Variants in SH3RF1 observed in about 807,000 individuals in gnomAD.
SH3RF1 encodes the protein SH3 domain containing ring finger 1, also known as E3 ubiquitin-protein ligase SH3RF1.
SH3RF1 carries 32 observed loss-of-function variants against 74.0 expected under a neutral mutation model. That is an observed-to-expected ratio of 0.43 (90% CI 0.33 to 0.58). The LOEUF is 0.58. SH3RF1 is among the 20% of genes least tolerant of loss of function. The pLI is 0.05. For synonymous variants in SH3RF1, 396 were observed against 439.6 expected (o/e 0.90, Z 1.24); for missense variants, 954 against 1,130.9 (o/e 0.84, Z 2.24).
chr4:169,103,157 TG>T (rs1353626579), intron 11 of SH3RF1, among the ~76,000 whole-genome samples: 3 of 146,804 alleles, frequency 2.0e-5, no homozygotes, highest in Non-Finnish European at 4.5e-5. Context: ...AGGCTGGTCT[TG>T]AACTCCTGAC....
intron 2 of SH3RF1, among the ~76,000 whole-genome samples, chr4:169,246,316 TAAC>T (rs1270803650): frequency 6.6e-6 from 1 of 152,182 alleles, no homozygotes; most frequent in Non-Finnish European, 1.5e-5. Context: ...AAGGGGGAGT[TAAC>T]TAGAGAACAC....
chr4:169,150,479 A>AT (rs2126961855), intron 4 of SH3RF1, among the ~76,000 whole-genome samples: 1 of 152,330 alleles, frequency 6.6e-6, no homozygotes, highest in South Asian at 2.1e-4. Context: ...GATAGGTATC[A>AT]TTTTTTGTGG....
chr4:169,157,921 AC>A (rs774114035), intron 2 of SH3RF1, among the ~76,000 whole-genome samples: 60,388 of 151,526 alleles, frequency 0.4, 12,647 homozygotes, highest in African/African-American at 0.54. Flanking sequence ...TTGTATTTTT[AC>A]AAAATGGGGT....
intron 4 of SH3RF1, among the ~76,000 whole-genome samples, chr4:169,140,664 G>T (rs1017502585): frequency 2.6e-5 from 4 of 152,100 alleles, no homozygotes; most frequent in African/African-American, 9.7e-5. Flanking sequence ...AAACTTTTTT[G>T]TGTGTATGGT....
At chr4:169,165,643 G>T (rs1213256462) in intron 2 of SH3RF1, among the ~76,000 whole-genome samples, 1 of 151,952 alleles carries the variant, frequency 6.6e-6, no homozygotes, top group Non-Finnish European at 1.5e-5. Flanking sequence ...AAGGCGGGGG[G>T]GGGAGTCAGG....
At chr4:169,210,665 C>T (rs1216832470) in intron 2 of SH3RF1, among the ~76,000 whole-genome samples, 1 of 152,244 alleles carries the variant, frequency 6.6e-6, no homozygotes, top group African/African-American at 2.4e-5. Flanking sequence ...GCATAGTCGA[C>T]TGTGACCTGA....
chr4:169,172,494 A>G (rs1734347365), intron 2 of SH3RF1, among the ~76,000 whole-genome samples: 1 of 152,208 alleles, frequency 6.6e-6, no homozygotes, highest in African/African-American at 2.4e-5. Flanking sequence ...TAGGTTAAGG[A>G]TTAGGGCATT....
intron 5 of SH3RF1, among the ~76,000 whole-genome samples, chr4:169,132,450 C>A (rs923003281): frequency 1.3e-5 from 2 of 152,128 alleles, no homozygotes; most frequent in East Asian, 3.8e-4. Flanking sequence ...CCTGCAAGTA[C>A]CCCTTCAATA....
At chr4:169,160,606 G>A (rs1462574500) in intron 2 of SH3RF1, among the ~76,000 whole-genome samples, 2 of 152,156 alleles carry the variant, frequency 1.3e-5, no homozygotes, top group Non-Finnish European at 2.9e-5. Context: ...ACAAACATTT[G>A]TGCATCTGGC....
chr4:169,101,539 G>C (rs1025724939), intron 11 of SH3RF1, among the ~76,000 whole-genome samples: 1 of 152,054 alleles, frequency 6.6e-6, no homozygotes, highest in African/African-American at 2.4e-5. Flanking sequence ...GCAGTGAATG[G>C]TTGTATGACA....
rs1338539159 is a variant in SH3RF1 at position 169,096,869 on chromosome 4, G to T, written c.2499-182C>A. On this transcript the variant is annotated intron_variant, in intron 11 of 11. Transcript: ENST00000284637. ...TAGAGACTTAGTACTAACAAAGACTGGATTTGGATATGTGTGTCAACCCAC... is the reference window on the plus strand; with the variant it reads ...TAGAGACTTAGTACTAACAAAGACTTGATTTGGATATGTGTGTCAACCCAC... Among the ~76,000 whole-genome samples the T allele has an allele frequency of 3.9e-5, 6 of 152,322 alleles. No homozygotes were observed. The East Asian group carries it at 1.2e-3, about 29-fold the overall frequency.
intron 2 of SH3RF1, among the ~76,000 whole-genome samples, chr4:169,183,298 TCAGA>T (rs1734544446): frequency 2.6e-5 from 4 of 152,194 alleles, no homozygotes; most frequent in African/African-American, 9.6e-5. Flanking sequence ...AGACTTCGTC[TCAGA>T]CAAAGTCTCG....
intron 2 of SH3RF1, among the ~76,000 whole-genome samples, chr4:169,243,128 G>T (rs1237186726): frequency 6.6e-6 from 1 of 152,056 alleles, no homozygotes; most frequent in Non-Finnish European, 1.5e-5. Context: ...TCTCTCATTA[G>T]CCTAGAATAA....
chr4:169,176,926 C>CTGTTGT (rs137974213), intron 2 of SH3RF1, among the ~76,000 whole-genome samples: 19 of 151,770 alleles, frequency 1.3e-4, no homozygotes, highest in East Asian at 9.7e-4. Context: ...TGGTTAATTT[C>CTGTTGT]TGTTGTTGTT....
chr4:169,241,270 G>A (rs1334756428), intron 2 of SH3RF1, among the ~76,000 whole-genome samples: 1 of 152,062 alleles, frequency 6.6e-6, no homozygotes, highest in Non-Finnish European at 1.5e-5. Context: ...AAATAAAACT[G>A]CCCAAGTCCA....
At chr4:169,186,509 T>C (rs1394168927) in intron 2 of SH3RF1, among the ~76,000 whole-genome samples, 2 of 151,842 alleles carry the variant, frequency 1.3e-5, no homozygotes, top group Non-Finnish European at 2.9e-5. Context: ...GTGCAAAAAA[T>C]AGAATTACAC....
Position 169,178,189 on chromosome 4 carries a change from C to T in SH3RF1, c.394-21510G>A, listed in dbSNP as rs142910108. ...CCAGGAGGTGGAGTTTGCAGTGAGCCGAGATTGCGCCAGCATGCTCCAGCC... is the reference window on the plus strand; with the variant it reads ...CCAGGAGGTGGAGTTTGCAGTGAGCTGAGATTGCGCCAGCATGCTCCAGCC... On this transcript the variant is annotated intron_variant, in intron 2 of 11. Transcript: ENST00000284637. Among the ~76,000 whole-genome samples the T allele has an allele frequency of 3.0e-3, 444 of 150,084 alleles. 2 individuals carry two copies. The highest frequency in any genetic ancestry group is 0.01 in the African/African-American group (426 of 40,818).
intron 4 of SH3RF1, among the ~76,000 whole-genome samples, chr4:169,153,194 GC>G (rs1284395408): frequency 1.3e-5 from 2 of 152,112 alleles, no homozygotes; most frequent in South Asian, 2.1e-4. Context: ...GGTACCCTCT[GC>G]GTGATAGTCT....
At chr4:169,170,971 T>G (rs1220448599) in intron 2 of SH3RF1, among the ~76,000 whole-genome samples, 5 of 152,124 alleles carry the variant, frequency 3.3e-5, no homozygotes, top group Admixed American at 1.3e-4. Flanking sequence ...TTGAAGGAAA[T>G]TTTCCTGAAC....
Sources: gnomAD v4.1 joint callset for allele counts (sites outside exome capture counted in the v4.1 genomes callset) on GRCh38, gnomAD v4.1.1 for gene constraint, MANE v1.5 for transcripts, NCBI Gene and HGNC (gene_info 2026-07-23, HGNC 2026-07-21) for gene names.